ADAMTS13: variants seen among roughly 807,000 people sequenced by gnomAD.
The protein encoded by ADAMTS13 is ADAM metallopeptidase with thrombospondin type 1 motif 13.
ADAMTS13 carries 110 observed loss-of-function variants against 155.1 expected under a neutral mutation model. That is an observed-to-expected ratio of 0.71 (90% CI 0.61 to 0.83). The LOEUF (loss-of-function observed/expected upper bound fraction) is 0.83. ADAMTS13 is among the 40% of genes least tolerant of loss of function. The probability of loss-of-function intolerance (pLI) is 0.00; values close to 1 mark genes in which losing one functional copy is unlikely to be tolerated. For missense variants in ADAMTS13, 1,707 were observed against 1,891.7 expected (o/e 0.90, Z 1.81); for synonymous variants, 758 against 756.4 (o/e 1.00, Z -0.03).
chr9:133,420,492 T>G (rs1554782851), upstream of ADAMTS13, among the ~76,000 whole-genome samples: 1 of 152,280 alleles, frequency 6.6e-6, no homozygotes, highest in Non-Finnish European at 1.5e-5. Flanking sequence ...GAGAACTTCC[T>G]GCCCAGGTTC....
chr9:133,433,253 G>C (rs948118590), intron 9 of ADAMTS13, 125 bp from the exon 10 acceptor site: 2 of 1,316,746 alleles, frequency 1.5e-6, no homozygotes, highest in African/African-American at 1.5e-5. Flanking sequence ...TTTGGGGGTC[G>C]CTGTGGGTGG....
chr9:133,445,849 C>T lies in ADAMTS13; in HGVS notation c.2731+30C>T. 1 of 1,544,908 alleles carries T rather than the reference C, an allele frequency of 6.5e-7. No homozygotes were observed. The highest frequency in any genetic ancestry group is 8.8e-7 in the Non-Finnish European group (1 of 1,141,978). On this transcript the variant is annotated intron_variant, in intron 21 of 28. Coordinates refer to ENST00000355699, the MANE Select transcript of ADAMTS13 (RefSeq NM_139027.6). This position sits in a 1 kb window ranked among gnomAD's most constrained non-coding sequence, Gnocchi z 5.0. ...GGGCCCCCGGGATGCTCCTGGGGAC[C>T]AGCACTCATGGTAACTCTCCTGTCC...
At chr9:133,435,191 CTTTTTTTTTT>C (rs1415886784) in intron 11 of ADAMTS13, among the ~76,000 whole-genome samples, 1 of 138,886 alleles carries the variant, frequency 7.2e-6, no homozygotes, top group Non-Finnish European at 1.6e-5. Flanking sequence ...TTTTTTTTTT[CTTTTTTTTTT>C]TTTTGAGACA....
chr9:133,447,055 A>G (rs587739755), intron 21 of ADAMTS13, among the ~76,000 whole-genome samples: 23 of 152,202 alleles, frequency 1.5e-4, no homozygotes, highest in African/African-American at 5.3e-4. Flanking sequence ...GGGTTTCACC[A>G]TGTTGGCCAG....
intron 8 of ADAMTS13, among the ~76,000 whole-genome samples, chr9:133,430,786 G>A (rs940706703): frequency 1.4e-4 from 21 of 147,308 alleles, no homozygotes; most frequent in Non-Finnish European, 1.9e-4. Flanking sequence ...TCAGCCTCCC[G>A]AGTAGCTGGG....
At chr9:133,428,568 T>TGCCCCCCCCC in intron 6 of ADAMTS13, 66 bp from the exon 7 acceptor site, 1 of 124,986 alleles carries the variant, frequency 8.0e-6, no homozygotes, top group Non-Finnish European at 1.6e-5. Context: ...CCGACCCCCG[T>TGCCCCCCCCC]CCCGCCCCCA....
chr9:133,457,008 C>T (rs1160499493), intron 27 of ADAMTS13: 2 of 526,612 alleles, frequency 3.8e-6, no homozygotes, highest in Non-Finnish European at 7.0e-6. Context: ...CCACACCCAC[C>T]TGCCCCGCCC....
Position 133,456,621 on chromosome 9 carries a change from A to G in ADAMTS13, c.3626A>G (p.Lys1209Arg), listed in dbSNP as rs1842762558. 1 of 1,612,456 alleles carries G rather than the reference A, an allele frequency of 6.2e-7. No individual in the cohort carries two copies. The highest frequency in any genetic ancestry group is 8.5e-7 in the Non-Finnish European group (1 of 1,179,612). Residue 1209 changes from lysine (K) to arginine (R), a missense_variant, in exon 27 of 29, where the codon AAG becomes AGG. Transcript: ENST00000355699. This position sits in a 1 kb window ranked among gnomAD's most constrained non-coding sequence, Gnocchi z 4.4. ...RKLLDMTFSS[K>R]TNTLVVRQRC... The stretch of plus-strand genomic sequence containing the variant: ...CTGTTGGACATGACTTTCAGCTCCA[A>G]GACCAACACGCTGGTGGTGAGGCAG...
chr9:133,433,695 C>T lies in ADAMTS13; in HGVS notation c.1299C>T (p.Cys433=). ...CVGADLQAEM[C]NTQACEKTQL... ...GTGCTGACCTCCAGGCCGAGATGTG[C>T]AACACTCAGGTAGGCCTGCTTCCTG... is the stretch of plus-strand genomic sequence containing the variant. Residue 433 remains cysteine, a synonymous_variant, in exon 11 of 29, where the codon TGC becomes TGT. Transcript: ENST00000355699. 2 of 1,613,482 alleles carry T rather than the reference C, an allele frequency of 1.2e-6. No homozygotes were observed. The highest frequency in any genetic ancestry group is 2.2e-5 in the South Asian group (2 of 91,078).
At chr9:133,455,475 C>T in intron 25 of ADAMTS13, 40 bp downstream of exon 25, 1 of 1,612,462 alleles carries the variant, frequency 6.2e-7, no homozygotes, top group South Asian at 1.1e-5. Flanking sequence ...GCCGCTGCTC[C>T]AGGACGGACC....
At chr9:133,436,722 C>T (rs1352619129) in intron 11 of ADAMTS13, 107 bp from the exon 12 acceptor site, 16 of 1,198,204 alleles carry the variant, frequency 1.3e-5, no homozygotes, top group Admixed American at 1.2e-4. Context: ...GAGCTGAGGC[C>T]ACACCCACAT....
intron 22 of ADAMTS13, 79 bp from the exon 23 acceptor site, chr9:133,449,704 G>C (rs1842308528): frequency 2.6e-6 from 4 of 1,535,744 alleles, no homozygotes; most frequent in Non-Finnish European, 3.6e-6. Context: ...CTAGTCTGGG[G>C]AAATGAAGGG....
Position 133,422,420 on chromosome 9 carries a change from C to T in ADAMTS13, c.-24C>T, listed in dbSNP as rs374861060. On this transcript the variant is annotated 5_prime_UTR_variant, in exon 1 of 29. Transcript: ENST00000355699. ...CAAGGCCCCCTCTCACTCCGCTCCACTCCTCGGGCTGGCTCTCCTGAGGAT... is the reference window on the plus strand; with the variant it reads ...CAAGGCCCCCTCTCACTCCGCTCCATTCCTCGGGCTGGCTCTCCTGAGGAT... 8.8e-5 allele frequency: 141 copies of T among 1,607,776 alleles called. No individual in the cohort carries two copies. Among genetic ancestry groups the T allele is most frequent in the Middle Eastern group, 4.9e-4 (3 of 6,070 alleles).
rs587672815 is a variant in ADAMTS13 at position 133,453,376 on chromosome 9, C to CA, written c.3045-1038dup. 1.4e-3 allele frequency among the ~76,000 whole-genome samples: 218 copies of CA among 152,284 alleles called. 1 individual carries two copies. Among genetic ancestry groups the CA allele is most frequent in the African/African-American group, 5.1e-3 (210 of 41,572 alleles). On this transcript the variant is annotated intron_variant, in intron 23 of 28. Coordinates refer to ENST00000355699, the MANE Select transcript of ADAMTS13 (RefSeq NM_139027.6). ...ACGTGAACCCAGGAGGCGGAGCTTG[C>CA]AGTGAGCTGAGATTGTGCTACTGCA... is the stretch of plus-strand genomic sequence containing the variant.
At chr9:133,428,872 C>T (rs981803774) in intron 7 of ADAMTS13, 101 bp downstream of exon 7, 1 of 1,149,724 alleles carries the variant, frequency 8.7e-7, no homozygotes, top group Non-Finnish European at 1.1e-6. Context: ...GCATTCAGCC[C>T]TCCTTCCTGT....
chr9:133,436,524 TC>T (rs923588407), intron 11 of ADAMTS13, among the ~76,000 whole-genome samples: 1 of 152,164 alleles, frequency 6.6e-6, no homozygotes, highest in African/African-American at 2.4e-5. Context: ...AGAATACACA[TC>T]CCCGTCCCTG....
At chr9:133,457,381 C>T (rs928032624) in intron 27 of ADAMTS13, among the ~76,000 whole-genome samples, 11 of 152,234 alleles carry the variant, frequency 7.2e-5, no homozygotes, top group Non-Finnish European at 1.6e-4. Context: ...CCCAGACCTG[C>T]CCGGGCAGAG....
chr9:133,457,510 T>A (rs1842820168), intron 27 of ADAMTS13, among the ~76,000 whole-genome samples: 1 of 152,248 alleles, frequency 6.6e-6, no homozygotes, highest in African/African-American at 2.4e-5. Flanking sequence ...CACAGGCATC[T>A]GCCTTGAAAG....
chr9:133,442,447 A>G lies in ADAMTS13; in HGVS notation c.2017A>G (p.Ile673Val), dbSNP rs281875307. 1.2e-6 allele frequency: 2 copies of G among 1,613,856 alleles called. No homozygotes were observed. The highest frequency in any genetic ancestry group is 2.2e-5 in the East Asian group (1 of 44,880). Reference sequence around the variant, plus strand: ...GTATGGCAACCTCACCCGCCCAGACATCACCTTCACCTACTTCCAGCCTAA... The same window carrying G: ...GTATGGCAACCTCACCCGCCCAGACGTCACCTTCACCTACTTCCAGCCTAA... ...EEYGNLTRPDITFTYFQPKPR... is the reference protein window; with the variant it reads ...EEYGNLTRPDVTFTYFQPKPR... Residue 673 changes from isoleucine (I) to valine (V), a missense_variant, in exon 17 of 29, where the codon ATC becomes GTC. Physicochemically the swap from Ile to Val is conservative, Grantham distance 29. This residue lies in a region of ADAMTS13 where 961 missense variants were observed against 1,107.9 expected (regional missense o/e 0.87). Transcript: ENST00000355699.
Sources: allele counts gnomAD v4.1 joint callset (sites outside exome capture counted in the v4.1 genomes callset), GRCh38; gene constraint gnomAD v4.1.1; regional missense constraint gnomAD v4.1.1; non-coding constraint Gnocchi (gnomAD v3.1); transcripts MANE v1.5; gene names NCBI Gene and HGNC (gene_info 2026-07-23, HGNC 2026-07-21).